FBLN2: variants seen among roughly 807,000 people sequenced by gnomAD.
FBLN2 encodes the protein fibulin-2.
In FBLN2, 81 loss-of-function variants were observed where a neutral mutation model predicts 123.7. The observed-to-expected ratio is 0.65, with a 90% CI of 0.55 to 0.79. FBLN2 has a LOEUF of 0.79. FBLN2 is among the 30% of genes least tolerant of loss of function. The probability of loss-of-function intolerance (pLI) is 0.00; values close to 1 mark genes in which losing one functional copy is unlikely to be tolerated. For synonymous variants in FBLN2, 699 were observed against 701.4 expected, an observed-to-expected ratio of 1.00 and a Z score of 0.05; for missense variants, 1,603 against 1,681.3, an observed-to-expected ratio of 0.95 and a Z score of 0.81.
chr3:13,637,866 G>A lies in FBLN2; in HGVS notation c.3643G>A (p.Val1215Ile), dbSNP rs1314886972. 1.7e-5 allele frequency: 28 copies of A among 1,609,812 alleles called. No individual in the cohort carries two copies. Among genetic ancestry groups the A allele is most frequent in the African/African-American group, 4.0e-5 (3 of 74,892 alleles). The change falls in exon 18 of 18, where the codon GTC becomes ATC. Residue 1215 changes from valine (V) to isoleucine (I), a missense_variant. Val to Ile is a conservative substitution (Grantham distance 29). Transcript: ENST00000404922. ...GATGAAGCTCTGGAGGCAGGGCTCC[G>A]TCACCACCTTCCTGGCCAAGATGCA... ...VEMKLWRQGS[V>I]TTFLAKMHIF...
chr3:13,627,466 G>A (rs547705453), intron 10 of FBLN2, among the ~76,000 whole-genome samples: 6 of 152,300 alleles, frequency 3.9e-5, no homozygotes, highest in Admixed American at 3.3e-4. Flanking sequence ...CAGTCCCCCG[G>A]GTTCTGGTCC....
At chr3:13,630,018 G>C in intron 14 of FBLN2, 73 bp downstream of exon 14, 1 of 1,579,032 alleles carries the variant, frequency 6.3e-7, no homozygotes, top group Non-Finnish European at 8.6e-7. Context: ...GGAAGGCCCA[G>C]AGCCTTCTGT....
At chr3:13,575,736 C>T (rs1264757120) in intron 2 of FBLN2, among the ~76,000 whole-genome samples, 1 of 152,120 alleles carries the variant, frequency 6.6e-6, no homozygotes, top group Non-Finnish European at 1.5e-5. Flanking sequence ...ACCCTGGAAG[C>T]TGCACTGCAT....
chr3:13,582,539 C>T (rs529174553), intron 2 of FBLN2, among the ~76,000 whole-genome samples: 1 of 152,334 alleles, frequency 6.6e-6, no homozygotes, highest in Admixed American at 6.5e-5. Context: ...TTGTCCACTC[C>T]TCGGCCTCCA....
Position 13,555,289 on chromosome 3 carries a change from C to CT in FBLN2, c.-42+6082dup, listed in dbSNP as rs1703433015. ...TTTTAAAGGAAACCTTTGATCACAA[C>CT]TGTAGACAGAAATCAGGATCACTTG... On this transcript the variant is annotated intron_variant, in intron 1 of 17. Coordinates refer to ENST00000404922, the MANE Select transcript of FBLN2 (RefSeq NM_001004019.2). Among the ~76,000 whole-genome samples the CT allele has an allele frequency of 2.0e-5, 3 of 151,982 alleles. No individual in the cohort carries two copies. The South Asian group carries it at 6.2e-4, about 32-fold the overall frequency.
intron 2 of FBLN2, among the ~76,000 whole-genome samples, chr3:13,572,223 C>T (rs951940862): frequency 1.3e-5 from 2 of 152,324 alleles, no homozygotes; most frequent in Middle Eastern, 3.4e-3. Flanking sequence ...TGGACAGAGG[C>T]GAGGTGGGTG....
intron 2 of FBLN2, among the ~76,000 whole-genome samples, chr3:13,600,042 AGAGC>A (rs1443681483): frequency 3.6e-4 from 52 of 142,564 alleles, no homozygotes; most frequent in South Asian, 8.5e-4. Context: ...AGAGAGAGAG[AGAGC>A]GAGAGAGAGA....
intron 1 of FBLN2, among the ~76,000 whole-genome samples, chr3:13,550,385 C>G (rs1703288106): frequency 6.6e-6 from 1 of 152,182 alleles, no homozygotes; most frequent in African/African-American, 2.4e-5. Flanking sequence ...TTTGCTGCCA[C>G]AAGGAGTTGC....
chr3:13,613,895 G>A (rs1705487035), intron 4 of FBLN2, 89 bp from the exon 5 acceptor site: 3 of 1,392,766 alleles, frequency 2.2e-6, no homozygotes, highest in Non-Finnish European at 2.9e-6. Flanking sequence ...AGATAATGGT[G>A]AATTCATCTC....
chr3:13,627,089 G>A (rs1413161813), intron 10 of FBLN2, among the ~76,000 whole-genome samples: 1 of 151,984 alleles, frequency 6.6e-6, no homozygotes, highest in Non-Finnish European at 1.5e-5. Flanking sequence ...GGGGCAGCGG[G>A]GTCCACACAG....
chr3:13,597,849 G>A (rs546470428), intron 2 of FBLN2, among the ~76,000 whole-genome samples: 1 of 152,218 alleles, frequency 6.6e-6, no homozygotes, highest in African/African-American at 2.4e-5. Flanking sequence ...GAAGTCAACC[G>A]TGGCAGTGTG....
chr3:13,607,953 G>A (rs1299105645), intron 2 of FBLN2, 109 bp from the exon 3 acceptor site: 1 of 733,086 alleles, frequency 1.4e-6, no homozygotes, highest in Non-Finnish European at 2.3e-6. Context: ...ACAGCAGCAG[G>A]GGTGGATGAG....
chr3:13,567,933 G>A (rs780777586), intron 1 of FBLN2, among the ~76,000 whole-genome samples: 6 of 152,186 alleles, frequency 3.9e-5, no homozygotes, highest in Non-Finnish European at 8.8e-5. Flanking sequence ...GCTCTAGCCT[G>A]GACAACAGAG....
chr3:13,589,587 T>G (rs1432803149), intron 2 of FBLN2, among the ~76,000 whole-genome samples: 1 of 152,232 alleles, frequency 6.6e-6, no homozygotes, highest in Non-Finnish European at 1.5e-5. Flanking sequence ...TGTCCAGTGC[T>G]CTCTCTCATT....
At chr3:13,599,259 G>A (rs1704946046) in intron 2 of FBLN2, among the ~76,000 whole-genome samples, 1 of 152,230 alleles carries the variant, frequency 6.6e-6, no homozygotes. Context: ...GACCCTCTCT[G>A]AGGAGGAGAG....
Position 13,608,104 on chromosome 3 carries a change from A to G in FBLN2, c.1349A>G (p.Gln450Arg). The G allele has an allele frequency of 6.3e-7, 1 of 1,597,424 alleles. No homozygotes were observed. Among genetic ancestry groups the G allele is most frequent in the Non-Finnish European group, 8.5e-7 (1 of 1,172,136 alleles). ...ATCGAGACTTGCTGCGCAGCCGGAC[A>G]GCAGTGGGCCATTGACAATGACGAG... Reference protein sequence around the residue: ...DLIETCCAAGQQWAIDNDECL... With the variant: ...DLIETCCAAGRQWAIDNDECL... Residue 450 changes from glutamine to arginine, a missense_variant, in exon 3 of 18, where the codon CAG becomes CGG. Physicochemically the swap from Gln to Arg is conservative, Grantham distance 43. Transcript: ENST00000404922.
chr3:13,638,224 G>A lies in FBLN2; in HGVS notation c.*305G>A. ...GACACGCGACCATGTTGGGGCTCTT[G>A]GACTCCTCTGGATGACCCGTCCCCA... is the stretch of plus-strand genomic sequence containing the variant. On this transcript the variant is annotated 3_prime_UTR_variant, in exon 18 of 18. Coordinates refer to ENST00000404922, the MANE Select transcript of FBLN2 (RefSeq NM_001004019.2). 1 of 590,700 alleles carries A rather than the reference G, an allele frequency of 1.7e-6. No homozygotes were observed. The highest frequency in any genetic ancestry group is 3.1e-6 in the Non-Finnish European group (1 of 323,560). 36.6% of individuals were successfully genotyped at this position (590,700 alleles called of 1,614,324 possible).
intron 11 of FBLN2, 60 bp downstream of exon 11, chr3:13,628,029 G>A (rs892709172): frequency 8.3e-6 from 13 of 1,559,600 alleles, no homozygotes; most frequent in Non-Finnish European, 1.0e-5. Flanking sequence ...AGGCATTGTG[G>A]GGGCTTTTAG....
At chr3:13,577,253 G>T (rs1428369756) in intron 2 of FBLN2, among the ~76,000 whole-genome samples, 1 of 151,730 alleles carries the variant, frequency 6.6e-6, no homozygotes, top group East Asian at 1.9e-4. Flanking sequence ...CACAGTGAGA[G>T]GAAGGGTGGA....
Sources: allele counts gnomAD v4.1 joint callset (sites outside exome capture counted in the v4.1 genomes callset), GRCh38; gene constraint gnomAD v4.1.1; transcripts MANE v1.5; gene names NCBI Gene and HGNC (gene_info 2026-07-23, HGNC 2026-07-21).